The following NFKB1 variants were observed in gnomAD, a reference collection of about 807,000 sequenced individuals.
The protein encoded by NFKB1 is nuclear factor NF-kappa-B p105 subunit.
In NFKB1, 9 loss-of-function variants were observed where a neutral mutation model predicts 105.1. The observed-to-expected ratio is 0.09, with a 90% confidence interval of 0.05 to 0.15. The LOEUF (loss-of-function observed/expected upper bound fraction) is 0.15. Among genes scored for constraint, NFKB1 ranks in the 10% least tolerant of loss-of-function variants. The pLI is 1.00. For missense variants in NFKB1, 830 were observed against 1,203.7 expected (o/e 0.69, Z 4.59); for synonymous variants, 440 against 442.2 (o/e 1.00, Z 0.06).
chr4:102,591,761 C>T (rs999301383), intron 11 of NFKB1, among the ~76,000 whole-genome samples: 3 of 152,224 alleles, frequency 2.0e-5, no homozygotes, highest in Non-Finnish European at 4.4e-5. Flanking sequence ...TACTAACAGC[C>T]ATTCTGCAGC....
At position 102,616,666 on chromosome 4, in the gene NFKB1, C is replaced by A; in HGVS notation, c.*72C>A. 2 of 1,513,100 alleles carry A rather than the reference C, an allele frequency of 1.3e-6. No homozygotes were observed. Among genetic ancestry groups the A allele is most frequent in the Non-Finnish European group, 9.0e-7 (1 of 1,109,870 alleles). The allele number at this position is 1,513,100 out of a possible 1,614,324, so 93.7% of individuals were successfully genotyped here. A position where few individuals can be genotyped will look rare whatever the true frequency, so the allele number is the denominator to read the frequency against. ...CACTGCGTTGTCCACAAGACAGAAG[C>A]TGAAGTGCATCCAAAGGTGCTCAGA... On this transcript the variant is annotated 3_prime_UTR_variant, in exon 24 of 24. Coordinates refer to ENST00000226574, the MANE Select transcript of NFKB1 (RefSeq NM_003998.4).
chr4:102,577,932 G>C (rs1373269877), intron 7 of NFKB1: 1 of 985,278 alleles, frequency 1.0e-6, no homozygotes, highest in Non-Finnish European at 1.2e-6. Context: ...TCTGTATCTT[G>C]TTGCTGCTCC....
intron 7 of NFKB1, chr4:102,578,617 G>C: frequency 4.0e-6 from 2 of 495,108 alleles, no homozygotes; most frequent in East Asian, 6.1e-5. Context: ...GGTGGGGGAA[G>C]GACAGGAGAG....
Position 102,501,704 on chromosome 4 carries a change from C to G in NFKB1, c.-92C>G, listed in dbSNP as rs546395353. On this transcript the variant is annotated 5_prime_UTR_variant, in exon 1 of 24. Transcript: ENST00000226574. ...CCCGGGCTCCGGCCTGCCGCCGCCT[C>G]TTCCTTCTCCAGCCGGCAGGCCCGC... 1.3e-5 allele frequency: 2 copies of G among 152,302 alleles called. No homozygotes were observed. The highest frequency in any genetic ancestry group is 4.8e-5 in the African/African-American group (2 of 41,420). 9.4% of individuals were successfully genotyped at this position (152,302 alleles called of 1,614,324 possible).
chr4:102,547,486 T>C (rs760024458), intron 5 of NFKB1, among the ~76,000 whole-genome samples: 5 of 152,194 alleles, frequency 3.3e-5, no homozygotes, highest in African/African-American at 7.2e-5. Context: ...GGTTCAGGGC[T>C]GGGCATGATG....
intron 9 of NFKB1, among the ~76,000 whole-genome samples, chr4:102,580,858 G>A (rs1203781242): frequency 1.3e-5 from 2 of 152,164 alleles, no homozygotes; most frequent in Non-Finnish European, 2.9e-5. Context: ...TCCCATGGAA[G>A]TAAAAAGAAA....
At chr4:102,613,979 C>T (rs912141972) in intron 23 of NFKB1, among the ~76,000 whole-genome samples, 4 of 152,192 alleles carry the variant, frequency 2.6e-5, no homozygotes, top group Admixed American at 1.3e-4. Context: ...GACTACGTGT[C>T]ATGCCACCAA....
intron 5 of NFKB1, among the ~76,000 whole-genome samples, chr4:102,556,841 C>T (rs1169968383): frequency 6.6e-6 from 1 of 152,106 alleles, no homozygotes; most frequent in East Asian, 1.9e-4. Context: ...ATGCCCAGCC[C>T]ATAGGTTTCA....
chr4:102,563,755 C>T (rs1409610854), intron 5 of NFKB1, among the ~76,000 whole-genome samples: 3 of 151,820 alleles, frequency 2.0e-5, no homozygotes, highest in African/African-American at 4.8e-5. Flanking sequence ...TTACAGTGTC[C>T]CTGGGTAGCT....
At chr4:102,564,731 A>G (rs934236777) in intron 5 of NFKB1, among the ~76,000 whole-genome samples, 1 of 152,230 alleles carries the variant, frequency 6.6e-6, no homozygotes, top group African/African-American at 2.4e-5. Flanking sequence ...TGAAGAGCCC[A>G]GTTATCTGAC....
chr4:102,504,004 A>G (rs1475920447), intron 1 of NFKB1, among the ~76,000 whole-genome samples: 1 of 152,192 alleles, frequency 6.6e-6, no homozygotes, highest in African/African-American at 2.4e-5. Context: ...TTCCATCAGC[A>G]AGACCTTATT....
intron 1 of NFKB1, among the ~76,000 whole-genome samples, chr4:102,505,729 A>G (rs913712801): frequency 4.6e-5 from 7 of 152,186 alleles, no homozygotes; most frequent in Non-Finnish European, 7.4e-5. Context: ...GCTGTTTGAG[A>G]GAATCAAATA....
chr4:102,529,198 A>AT (rs757782201), intron 2 of NFKB1, among the ~76,000 whole-genome samples: 1 of 152,166 alleles, frequency 6.6e-6, no homozygotes, highest in Non-Finnish European at 1.5e-5. Context: ...GGGGGTCGTT[A>AT]TTCAGCTTAA....
At chr4:102,593,275 T>G in intron 11 of NFKB1, 150 bp from the exon 12 acceptor site, 2 of 761,628 alleles carry the variant, frequency 2.6e-6, no homozygotes, top group Non-Finnish European at 4.3e-6. Context: ...AATATAACGC[T>G]TCTTGAAATT....
At chr4:102,539,516 C>T (rs908870893) in intron 5 of NFKB1, among the ~76,000 whole-genome samples, 12 of 152,040 alleles carry the variant, frequency 7.9e-5, no homozygotes, top group African/African-American at 2.9e-4. Flanking sequence ...GGTAATTAGG[C>T]GGGTAAATAT....
chr4:102,549,065 A>T (rs1489777851), intron 5 of NFKB1, among the ~76,000 whole-genome samples: 1 of 152,152 alleles, frequency 6.6e-6, no homozygotes, highest in Non-Finnish European at 1.5e-5. Flanking sequence ...TTTCAGCCTG[A>T]TAATACACTC....
chr4:102,513,834 G>A lies in NFKB1; in HGVS notation c.-7-11678G>A, dbSNP rs374170235. Among the ~76,000 whole-genome samples, 20 of 151,964 alleles carry A rather than the reference G, an allele frequency of 1.3e-4. No individual in the cohort carries two copies. In the East Asian group the frequency reaches 2.9e-3, roughly 22 times the overall value. On this transcript the variant is annotated intron_variant, in intron 1 of 23. Coordinates refer to ENST00000226574, the MANE Select transcript of NFKB1 (RefSeq NM_003998.4). The stretch of plus-strand genomic sequence containing the variant: ...TTTATTGAGACTTACTTTATGGCTC[G>A]GGACGTGGTCTATCTTCGTGAATAT...
chr4:102,598,846 G>A (rs1331807432), intron 15 of NFKB1, among the ~76,000 whole-genome samples: 2 of 152,156 alleles, frequency 1.3e-5, no homozygotes, highest in Admixed American at 1.3e-4. Flanking sequence ...GGGATACAAG[G>A]CGAGGCACAT....
At chr4:102,591,424 A>AAAT (rs1726164398) in intron 11 of NFKB1, among the ~76,000 whole-genome samples, 1 of 151,634 alleles carries the variant, frequency 6.6e-6, no homozygotes, top group Admixed American at 6.6e-5. Context: ...TGGCTCAAAA[A>AAAT]AAAAAAAAAA....
Sources: allele counts gnomAD v4.1 joint callset (sites outside exome capture counted in the v4.1 genomes callset), GRCh38; gene constraint gnomAD v4.1.1; transcripts MANE v1.5; gene names NCBI Gene and HGNC (gene_info 2026-07-23, HGNC 2026-07-21).